Variants in ASCC3 observed in about 807,000 individuals in gnomAD.
The protein encoded by ASCC3 is ASC-1 complex subunit P200.
ASCC3 carries 158 observed loss-of-function variants against 256.3 expected under a neutral mutation model. The ratio of observed to expected loss-of-function variants is 0.62; its 90% confidence interval spans 0.54 to 0.70. The LOEUF (loss-of-function observed/expected upper bound fraction) is 0.70. ASCC3 is among the 30% of genes least tolerant of loss of function. The pLI is 0.00. For synonymous variants in ASCC3, 948 were observed against 883.4 expected, an observed-to-expected ratio of 1.07 and a Z score of -1.30; for missense variants, 2,259 against 2,626.0, an observed-to-expected ratio of 0.86 and a Z score of 3.05.
intron 37 of ASCC3, among the ~76,000 whole-genome samples, chr6:100,519,012 T>C (rs1277205751): frequency 6.6e-6 from 1 of 152,158 alleles, no homozygotes; most frequent in Non-Finnish European, 1.5e-5. Context: ...AATATCTCAA[T>C]GACAGCAAAA....
intron 36 of ASCC3, among the ~76,000 whole-genome samples, chr6:100,552,999 C>G (rs1270559085): frequency 6.6e-6 from 1 of 151,990 alleles, no homozygotes; most frequent in African/African-American, 2.4e-5. Flanking sequence ...CTGCCAGGCT[C>G]TCCTGTGAAT....
chr6:100,688,781 C>T (rs1390589097), intron 13 of ASCC3, among the ~76,000 whole-genome samples: 1 of 152,076 alleles, frequency 6.6e-6, no homozygotes, highest in Non-Finnish European at 1.5e-5. Context: ...GAGCTTATAT[C>T]TAATTATATG....
intron 6 of ASCC3, 140 bp downstream of exon 6, chr6:100,800,160 T>C (rs1305248261): frequency 1.2e-6 from 1 of 835,418 alleles, no homozygotes; most frequent in East Asian, 2.6e-5. Context: ...AATTAGGTAT[T>C]CATAAAACAA....
chr6:100,510,160 C>T, intron 40 of ASCC3, 53 bp from the exon 41 acceptor site: 1 of 1,598,366 alleles, frequency 6.3e-7, no homozygotes, highest in South Asian at 1.1e-5. Context: ...CTTCCTATAC[C>T]ACTTGGTTGT....
chr6:100,662,622 A>G, intron 14 of ASCC3, 86 bp from the exon 15 acceptor site: 1 of 1,269,790 alleles, frequency 7.9e-7, no homozygotes, highest in Non-Finnish European at 1.1e-6. Context: ...TCATCAAAGA[A>G]ATCAGAAAAT....
chr6:100,796,464 C>T (rs954721452), intron 8 of ASCC3, among the ~76,000 whole-genome samples: 5 of 152,124 alleles, frequency 3.3e-5, no homozygotes, highest in Admixed American at 1.3e-4. Context: ...GAAGCCCTTA[C>T]CCCTCAATGT....
chr6:100,545,906 T>C (rs750130955), intron 36 of ASCC3, among the ~76,000 whole-genome samples: 4 of 152,110 alleles, frequency 2.6e-5, no homozygotes, highest in Non-Finnish European at 5.9e-5. Flanking sequence ...TATTCAACAC[T>C]GTACCACAGG....
At position 100,642,961 on chromosome 6, in the gene ASCC3, T is replaced by C. The variant is rs147255669; in HGVS notation, c.3733-212A>G. Reference sequence around the variant, plus strand: ...TAGAAGGTAAAATTTTATGGCTAATTTATATTATTTACATATGCATATAAT... The same window carrying C: ...TAGAAGGTAAAATTTTATGGCTAATCTATATTATTTACATATGCATATAAT... On this transcript the variant is annotated intron_variant, in intron 23 of 41. Coordinates refer to ENST00000369162, the MANE Select transcript of ASCC3 (RefSeq NM_006828.4). Among the ~76,000 whole-genome samples the C allele has an allele frequency of 5.5e-3, 841 of 152,254 alleles. 9 individuals are homozygous for C. Among genetic ancestry groups the C allele is most frequent in the African/African-American group, 0.02 (812 of 41,556 alleles).
chr6:100,652,327 C>T (rs943195929), intron 18 of ASCC3, among the ~76,000 whole-genome samples: 4 of 152,018 alleles, frequency 2.6e-5, no homozygotes, highest in East Asian at 3.9e-4. Flanking sequence ...TGATTTCAAC[C>T]GGATCATAGT....
intron 13 of ASCC3, among the ~76,000 whole-genome samples, chr6:100,683,548 T>G (rs1777408952): frequency 6.6e-6 from 1 of 152,126 alleles, no homozygotes; most frequent in African/African-American, 2.4e-5. Flanking sequence ...TTTTATGGTT[T>G]GCTAATTTGG....
In ASCC3 at chr6:100,720,659, G is replaced by A. The variant is rs76357940; in HGVS notation, c.1903-2408C>T. ...TTAGACAGACAGCGCTTTAATATTA[G>A]TAGTCTTTAACGTCCAGCTAAACAA... On this transcript the variant is annotated intron_variant, in intron 11 of 41. Transcript: ENST00000369162. 0.014 allele frequency among the ~76,000 whole-genome samples: 2,172 copies of A among 151,736 alleles called. 102 individuals carry two copies. In the East Asian group the frequency reaches 0.15, roughly 10 times the overall value.
chr6:100,590,741 C>A (rs1771962710), intron 34 of ASCC3, among the ~76,000 whole-genome samples: 1 of 152,002 alleles, frequency 6.6e-6, no homozygotes, highest in Admixed American at 6.6e-5. Flanking sequence ...CTAACAATTT[C>A]AAATGGGAGA....
intron 10 of ASCC3, among the ~76,000 whole-genome samples, chr6:100,752,232 T>G (rs956748505): frequency 1.3e-5 from 2 of 152,152 alleles, no homozygotes; most frequent in African/African-American, 4.8e-5. Context: ...ACCTGAAGTT[T>G]ATATTATCTT....
intron 10 of ASCC3, among the ~76,000 whole-genome samples, chr6:100,735,770 C>T (rs4840149): frequency 0.94 from 143,131 of 152,226 alleles, 67,609 homozygotes; most frequent in South Asian, 0.99. Context: ...GTATTATGCA[C>T]TTTATATAAA....
chr6:100,839,153 T>C (rs2114480170), intron 4 of ASCC3, among the ~76,000 whole-genome samples: 1 of 152,220 alleles, frequency 6.6e-6, no homozygotes, highest in Middle Eastern at 3.4e-3. Context: ...ACAACATTCA[T>C]TATATCACAT....
At chr6:100,626,367 T>C (rs1175650650) in intron 29 of ASCC3, among the ~76,000 whole-genome samples, 2 of 152,060 alleles carry the variant, frequency 1.3e-5, no homozygotes, top group African/African-American at 4.8e-5. Context: ...AATGGAAATG[T>C]TGACATGACC....
At chr6:100,686,269 T>G (rs537972167) in intron 13 of ASCC3, among the ~76,000 whole-genome samples, 3 of 152,304 alleles carry the variant, frequency 2.0e-5, no homozygotes, top group Non-Finnish European at 4.4e-5. Flanking sequence ...ATAATTTTGC[T>G]CCTTATAATA....
At chr6:100,684,056 A>C (rs1312324325) in intron 13 of ASCC3, among the ~76,000 whole-genome samples, 1 of 152,202 alleles carries the variant, frequency 6.6e-6, no homozygotes, top group Non-Finnish European at 1.5e-5. Context: ...TTAATAAAGG[A>C]GTAAAAGCTC....
chr6:100,651,724 C>T, intron 18 of ASCC3, 78 bp from the exon 19 acceptor site: 1 of 763,056 alleles, frequency 1.3e-6, no homozygotes. Context: ...CTATAAATTA[C>T]ACATTTTAAA....
Sources: allele counts gnomAD v4.1 joint callset (sites outside exome capture counted in the v4.1 genomes callset), GRCh38; gene constraint gnomAD v4.1.1; transcripts MANE v1.5; gene names NCBI Gene and HGNC (gene_info 2026-07-23, HGNC 2026-07-21).